Variants in CMIP observed in about 807,000 individuals in gnomAD.
CMIP encodes C-Maf-inducing protein.
Under a neutral mutation model 97.3 loss-of-function variants are expected in CMIP, and 13 were observed. The ratio of observed to expected loss-of-function variants is 0.13; its 90% confidence interval spans 0.09 to 0.21. The LOEUF is 0.21. Ranked by LOEUF, CMIP falls within the 10% of genes least tolerant of loss-of-function variation. The pLI, the probability that CMIP is intolerant of heterozygous loss-of-function variation, is 1.00. For missense variants in CMIP, 847 were observed against 1,024.9 expected, an observed-to-expected ratio of 0.83 and a Z score of 2.37; for synonymous variants, 538 against 436.3, an observed-to-expected ratio of 1.23 and a Z score of -2.91.
chr16:81,470,872 GAGATCAGT>G (rs1907485703), intron 1 of CMIP, among the ~76,000 whole-genome samples: 1 of 152,052 alleles, frequency 6.6e-6, no homozygotes, highest in Non-Finnish European at 1.5e-5. Context: ...TGAAACTCCT[GAGATCAGT>G]ACAAAAAGAA....
chr16:81,693,603 A>T (rs1906361960), intron 13 of CMIP, 116 bp downstream of exon 13: 2 of 1,125,026 alleles, frequency 1.8e-6, no homozygotes, highest in Non-Finnish European at 2.5e-6. Context: ...CAGCTTTCAG[A>T]GACCCATTGC....
chr16:81,564,235 G>A (rs150989259), intron 1 of CMIP, among the ~76,000 whole-genome samples: 2 of 152,284 alleles, frequency 1.3e-5, no homozygotes, highest in East Asian at 3.9e-4. Flanking sequence ...GGGGTGCTGA[G>A]AATAGACATT....
intron 9 of CMIP, 34 bp from the exon 10 acceptor site, chr16:81,678,241 G>A: frequency 1.3e-6 from 2 of 1,508,614 alleles, no homozygotes; most frequent in Non-Finnish European, 1.8e-6. Context: ...AACGGTGCCT[G>A]TACTCATGTG....
chr16:81,483,942 A>G (rs1030470396), intron 1 of CMIP, among the ~76,000 whole-genome samples: 2 of 152,196 alleles, frequency 1.3e-5, no homozygotes, highest in Non-Finnish European at 2.9e-5. Context: ...ATATTTTGTC[A>G]TAAACTGGGA....
At chr16:81,492,034 A>C (rs1198414328) in intron 1 of CMIP, among the ~76,000 whole-genome samples, 4 of 152,108 alleles carry the variant, frequency 2.6e-5, no homozygotes, top group Non-Finnish European at 5.9e-5. Context: ...TTTCTTCCTC[A>C]ATAGAGTGTG....
intron 1 of CMIP, among the ~76,000 whole-genome samples, chr16:81,487,954 T>C (rs1233662611): frequency 6.6e-6 from 1 of 152,226 alleles, no homozygotes; most frequent in Non-Finnish European, 1.5e-5. Flanking sequence ...TGCTCTCGGC[T>C]TCTGCTCTTT....
At chr16:81,543,625 C>A (rs1050389435) in intron 1 of CMIP, among the ~76,000 whole-genome samples, 1 of 152,152 alleles carries the variant, frequency 6.6e-6, no homozygotes, top group African/African-American at 2.4e-5. Context: ...CTAGTCACTT[C>A]CCCCCGTTCC....
intron 1 of CMIP, among the ~76,000 whole-genome samples, chr16:81,509,707 A>G (rs1000962155): frequency 2.0e-5 from 3 of 152,130 alleles, no homozygotes; most frequent in Non-Finnish European, 4.4e-5. Flanking sequence ...TGCTGCCTGG[A>G]TAACCCAAGG....
Position 81,471,406 on chromosome 16 carries a change from G to A in CMIP, c.300+25865G>A, listed in dbSNP as rs563581455. On this transcript the variant is annotated intron_variant, in intron 1 of 20. Coordinates refer to ENST00000537098, the MANE Select transcript of CMIP (RefSeq NM_198390.3). ...TGCATATGCATATACACGTACAAAT[G>A]CATACACACATACATGTACATGCAC... Among the ~76,000 whole-genome samples the A allele has an allele frequency of 6.4e-3, 887 of 139,494 alleles. 8 individuals are homozygous for A. Among genetic ancestry groups the A allele is most frequent in the South Asian group, 0.016 (73 of 4,594 alleles). The allele number at this position is 139,494 out of a possible 152,430, so 91.5% of individuals were successfully genotyped here. A position where few individuals can be genotyped will look rare whatever the true frequency, so the allele number is the denominator to read the frequency against.
chr16:81,699,845 G>C, intron 15 of CMIP, 44 bp downstream of exon 15: 4 of 1,330,832 alleles, frequency 3.0e-6, no homozygotes, highest in Non-Finnish European at 4.3e-6. Flanking sequence ...CTGGCTCCCC[G>C]TCCCTTGTCC....
At chr16:81,583,077 A>G (rs991926594) in intron 1 of CMIP, among the ~76,000 whole-genome samples, 5 of 152,230 alleles carry the variant, frequency 3.3e-5, no homozygotes, top group Non-Finnish European at 7.3e-5. Context: ...AAATTTCTCT[A>G]AAGGGCCTTG....
intron 1 of CMIP, among the ~76,000 whole-genome samples, chr16:81,589,776 C>G (rs530118375): frequency 7.9e-5 from 12 of 152,368 alleles, no homozygotes; most frequent in East Asian, 7.7e-4. Flanking sequence ...TAAAAAGTAG[C>G]CTTCTCTCTG....
rs192308226 is a variant in CMIP at position 81,662,851 on chromosome 16, T to C, written c.745-1418T>C. 3.5e-3 allele frequency among the ~76,000 whole-genome samples: 530 copies of C among 152,314 alleles called. 2 individuals carry two copies. The highest frequency in any genetic ancestry group is 0.012 in the African/African-American group (488 of 41,558). On this transcript the variant is annotated intron_variant, in intron 6 of 20. Transcript: ENST00000537098. ...GCCACCCGAGTGCTAAAGCCACCAG[T>C]TGAAGAGTCACAGAATTTTCAACAC...
chr16:81,468,585 A>C (rs1218453983), intron 1 of CMIP, among the ~76,000 whole-genome samples: 3 of 152,222 alleles, frequency 2.0e-5, no homozygotes, highest in Non-Finnish European at 4.4e-5. Context: ...GCATGCCCTT[A>C]TGGGGCACCT....
At chr16:81,452,780 T>A (rs1403500657) in intron 1 of CMIP, among the ~76,000 whole-genome samples, 1 of 152,050 alleles carries the variant, frequency 6.6e-6, no homozygotes, top group African/African-American at 2.4e-5. Context: ...TTAATGAGTA[T>A]GTAGAATGTG....
chr16:81,598,968 C>CAA (rs141717317), intron 1 of CMIP, among the ~76,000 whole-genome samples: 1,426 of 48,826 alleles, frequency 0.029, 42 homozygotes, highest in East Asian at 0.14. Context: ...GACTCTGTCT[C>CAA]AAAAAAAAAA....
intron 1 of CMIP, among the ~76,000 whole-genome samples, chr16:81,575,915 A>G (rs2091180851): frequency 6.6e-6 from 1 of 152,174 alleles, no homozygotes; most frequent in Non-Finnish European, 1.5e-5. Flanking sequence ...CATTTAGTAG[A>G]CTGGCTAAAC....
rs1357072813 is a variant in CMIP, at chr16:81,709,935, G to A, written c.*136G>A. On this transcript the variant is annotated 3_prime_UTR_variant, in exon 21 of 21. Coordinates refer to ENST00000537098, the MANE Select transcript of CMIP (RefSeq NM_198390.3). The stretch of plus-strand genomic sequence containing the variant: ...ATAGATGGGGAGTCTTTCTGGGGGC[G>A]GAGGGGGGAGGGGGTGGGGAGGGGG... 8.1e-6 allele frequency: 5 copies of A among 620,126 alleles called. No homozygotes were observed. The Admixed American group carries it at 8.2e-5, about 10-fold the overall frequency. 38.4% of individuals were successfully genotyped at this position (620,126 alleles called of 1,614,324 possible).
At chr16:81,694,187 G>C in intron 13 of CMIP, among the ~76,000 whole-genome samples, 1 of 152,206 alleles carries the variant, frequency 6.6e-6, no homozygotes, top group East Asian at 1.9e-4. Context: ...ACTGAGGCAA[G>C]ATTCGAGCCT....
Sources: allele counts gnomAD v4.1 joint callset (sites outside exome capture counted in the v4.1 genomes callset), GRCh38; gene constraint gnomAD v4.1.1; transcripts MANE v1.5; gene names NCBI Gene and HGNC (gene_info 2026-07-23, HGNC 2026-07-21).